The following GCN1 variants were observed in gnomAD, a reference collection of about 807,000 sequenced individuals.
GCN1 encodes stalled ribosome sensor GCN1.
Under a neutral mutation model 288.4 loss-of-function variants are expected in GCN1, and 90 were observed. The ratio of observed to expected loss-of-function variants is 0.31; its 90% CI spans 0.26 to 0.37. The LOEUF is 0.37. Among genes scored for constraint, GCN1 ranks in the 10% least tolerant of loss-of-function variants. The pLI is 1.00. For missense variants in GCN1, 2,586 were observed against 3,419.9 expected (o/e 0.76, Z 6.08); for synonymous variants, 1,386 against 1,420.2 (o/e 0.98, Z 0.54).
At chr12:120,163,636 C>T (rs1878006808) in intron 18 of GCN1, among the ~76,000 whole-genome samples, 1 of 152,090 alleles carries the variant, frequency 6.6e-6, no homozygotes, top group Non-Finnish European at 1.5e-5. Flanking sequence ...TGAGGGTCTC[C>T]CTCCGTCGGG....
chr12:120,129,602 C>G lies in GCN1; in HGVS notation c.7672-108G>C, dbSNP rs2240312. 13 of 789,828 alleles carry G rather than the reference C, an allele frequency of 1.6e-5. 1 individual carries two copies. Among genetic ancestry groups the G allele is most frequent in the African/African-American group, 1.5e-4 (9 of 59,458 alleles). 48.9% of individuals were successfully genotyped at this position (789,828 alleles called of 1,614,324 possible). Reference sequence around the variant, plus strand: ...CTCCCTACAGCATGAACACTGACCCCCCCTGCTCCTGTGGGAGGGTCCCAG... The same window carrying G: ...CTCCCTACAGCATGAACACTGACCCGCCCTGCTCCTGTGGGAGGGTCCCAG... On this transcript the variant is annotated intron_variant, in intron 56 of 57. Transcript: ENST00000300648.
chr12:120,187,898 A>C (rs1489955236), intron 2 of GCN1, among the ~76,000 whole-genome samples: 5 of 151,948 alleles, frequency 3.3e-5, no homozygotes, highest in Admixed American at 6.6e-5. Flanking sequence ...AAAAAAAAAA[A>C]AAACAAAAAA....
chr12:120,157,906 G>A lies in GCN1; in HGVS notation c.3030C>T (p.Leu1010=), dbSNP rs1388240816. The part of the protein sequence containing the change: ...EEWMAQILQI[L]TVQAQLRASP... ...AGGCCCTCAGCTGGGCTTGGACAGT[G>A]AGGATCTGAAGAATCTGGGCCATCC... is the stretch of plus-strand genomic sequence containing the variant. The change falls in exon 26 of 58, where the codon CTC becomes CTT. Residue 1010 remains leucine (L), a synonymous_variant. Coordinates refer to ENST00000300648, the MANE Select transcript of GCN1 (RefSeq NM_006836.2). The A allele has an allele frequency of 6.2e-6, 10 of 1,613,942 alleles. No individual in the cohort carries two copies. Among genetic ancestry groups the A allele is most frequent in the Admixed American group, 1.7e-5 (1 of 60,014 alleles).
rs1877305048 is a variant in GCN1, at chr12:120,144,668, C to A, written c.5323G>T (p.Val1775Leu). 7 of 1,614,114 alleles carry A rather than the reference C, an allele frequency of 4.3e-6. No individual in the cohort carries two copies. Among genetic ancestry groups the A allele is most frequent in the Non-Finnish European group, 5.9e-6 (7 of 1,179,950 alleles). The change falls in exon 41 of 58, where the codon GTG becomes TTG. Residue 1775 changes from valine (V) to leucine (L), a missense_variant. This residue lies in a region of GCN1 where 371 missense variants were observed against 572.6 expected (regional missense o/e 0.65). Coordinates refer to ENST00000300648, the MANE Select transcript of GCN1 (RefSeq NM_006836.2). The surrounding 1 kb of genome is among the most constrained non-coding windows in gnomAD (Gnocchi z 4.7). ...AGGATACAGGGGATGATGGGCCCCACATAAGGAGTAAACTTGTCTCCAAAG... is the reference window on the plus strand; with the variant it reads ...AGGATACAGGGGATGATGGGCCCCAAATAAGGAGTAAACTTGTCTCCAAAG... The part of the protein sequence containing the change: ...ITFGDKFTPY[V>L]GPIIPCILKA...
At chr12:120,145,184 T>G (rs1358206135) in intron 39 of GCN1, 78 bp downstream of exon 39, 2 of 1,554,452 alleles carry the variant, frequency 1.3e-6, no homozygotes, top group Non-Finnish European at 1.8e-6. Flanking sequence ...CAAAAGCAGC[T>G]TTGGGGAATT....
chr12:120,130,761 G>A lies in GCN1; in HGVS notation c.7564-8C>T, dbSNP rs1422887755. 4 of 1,589,884 alleles carry A rather than the reference G, an allele frequency of 2.5e-6. No homozygotes were observed. In the East Asian group the frequency reaches 8.9e-5, roughly 36 times the overall value. On this transcript the variant is annotated splice_polypyrimidine_tract_variant and splice_region_variant and intron_variant, in intron 55 of 57. Transcript: ENST00000300648. ...GCTCACCGCAATGGGGATCTGTGGA[G>A]AACAGACAGCGCTAGACGGGAGGCC...
rs757358859 is a variant in GCN1, at chr12:120,145,005, C to T, written c.5073G>A (p.Ser1691=). ...GCCACGGCAGCAAGTCCTCAAAGCA[C>T]GACTCCCCCATGCCCTTCACCATGG... ...LGAMVKGMGE[S]CFEDLLPWLM... Residue 1691 remains serine, a synonymous_variant, in exon 40 of 58, where the codon TCG becomes TCA. Coordinates refer to ENST00000300648, the MANE Select transcript of GCN1 (RefSeq NM_006836.2). 4.3e-6 allele frequency: 7 copies of T among 1,614,028 alleles called. No homozygotes were observed. Among genetic ancestry groups the T allele is most frequent in the East Asian group, 2.2e-5 (1 of 44,892 alleles).
At position 120,153,397 on chromosome 12, in the gene GCN1, T is replaced by G. The variant is rs200124782; in HGVS notation, c.3878A>C (p.Asn1293Thr). 1.2e-6 allele frequency: 2 copies of G among 1,613,814 alleles called. No homozygotes were observed. Among genetic ancestry groups the G allele is most frequent in the East Asian group, 4.5e-5 (2 of 44,868 alleles). The change falls in exon 33 of 58, where the codon AAC (asparagine) becomes ACC (threonine). Residue 1293 changes from asparagine to threonine, a missense_variant. Physicochemically the swap from Asn to Thr is moderately conservative, Grantham distance 65 (BLOSUM62 0). Around this residue, in one of 8 missense-constraint regions of GCN1, gnomAD observed 332 missense variants for 403.0 expected, o/e 0.82. Transcript: ENST00000300648. The surrounding 1 kb of genome is among the most constrained non-coding windows in gnomAD (Gnocchi z 4.4). ...CTCCTCGAATACTGGCAACAGCGAGTTGACGTTCTCCTGGAAAGCCAAACC... is the reference window on the plus strand; with the variant it reads ...CTCCTCGAATACTGGCAACAGCGAGGTGACGTTCTCCTGGAAAGCCAAACC... Reference protein sequence around the residue: ...TLNTHGKENVNSLLPVFEEFL... With the variant: ...TLNTHGKENVTSLLPVFEEFL...
Position 120,174,123 on chromosome 12 carries a change from C to A in GCN1, c.1140G>T (p.Gln380His). 1.2e-6 allele frequency: 2 copies of A among 1,610,424 alleles called. No individual in the cohort carries two copies. Among genetic ancestry groups the A allele is most frequent in the Non-Finnish European group, 1.7e-6 (2 of 1,176,566 alleles). ...GCTCAGCCACGATCCCATTCAGGAC[C>A]TGACTGGAAGGTCCAGACACCACGT... ...SHHVVSGPSS[Q>H]VLNGIVAELF... The change falls in exon 13 of 58, where the codon CAG (glutamine) becomes CAT (histidine). Residue 380 changes from glutamine (Q) to histidine (H), a missense_variant. Transcript: ENST00000300648.
intron 23 of GCN1, 25 bp downstream of exon 23, chr12:120,160,117 G>A (rs1566309026): frequency 6.3e-7 from 1 of 1,594,936 alleles, no homozygotes; most frequent in Admixed American, 1.7e-5. Flanking sequence ...TCCGGCTTGA[G>A]CATGTGGCGG....
At position 120,144,670 on chromosome 12, in the gene GCN1, T is replaced by A. The variant is rs758816691; in HGVS notation, c.5321A>T (p.Tyr1774Phe). The change falls in exon 41 of 58, where the codon TAT (tyrosine) becomes TTT (phenylalanine). Residue 1774 changes from tyrosine to phenylalanine, a missense_variant. Physicochemically the swap from Tyr to Phe is conservative, Grantham distance 22. Around this residue, in one of 8 missense-constraint regions of GCN1, gnomAD observed 371 missense variants for 572.6 expected, o/e 0.65. Coordinates refer to ENST00000300648, the MANE Select transcript of GCN1 (RefSeq NM_006836.2). This position sits in a 1 kb window ranked among gnomAD's most constrained non-coding sequence, Gnocchi z 4.7. ...PITFGDKFTP[Y>F]VGPIIPCILK... The stretch of plus-strand genomic sequence containing the variant: ...GATACAGGGGATGATGGGCCCCACA[T>A]AAGGAGTAAACTTGTCTCCAAAGGT... 6 of 1,613,966 alleles carry A rather than the reference T, an allele frequency of 3.7e-6. No individual in the cohort carries two copies. The South Asian group carries it at 6.6e-5, about 18-fold the overall frequency.
intron 51 of GCN1, among the ~76,000 whole-genome samples, chr12:120,135,231 T>C (rs768927630): frequency 1.3e-5 from 2 of 152,212 alleles, no homozygotes; most frequent in Non-Finnish European, 2.9e-5. Context: ...CAAATGACCT[T>C]GGAGAATCCT....
chr12:120,179,456 G>A (rs1376884427), intron 5 of GCN1, among the ~76,000 whole-genome samples: 1 of 148,652 alleles, frequency 6.7e-6, no homozygotes, highest in Non-Finnish European at 1.5e-5. Context: ...CTGGAGTGCA[G>A]TGGTGCGATC....
chr12:120,193,147 A>C (rs1879060709), intron 1 of GCN1, among the ~76,000 whole-genome samples: 1 of 152,092 alleles, frequency 6.6e-6, no homozygotes, highest in African/African-American at 2.4e-5. Flanking sequence ...GAGGTCAGGA[A>C]TTCGAGACCA....
intron 2 of GCN1, among the ~76,000 whole-genome samples, chr12:120,188,250 A>T (rs1181538148): frequency 2.0e-5 from 3 of 152,064 alleles, no homozygotes; most frequent in Non-Finnish European, 4.4e-5. Context: ...ACTGGCCAAC[A>T]TGGTGAAACC....
rs140583998 is a variant in GCN1, at chr12:120,148,711, G to A, written c.4547-365C>T. Among the ~76,000 whole-genome samples the A allele has an allele frequency of 1.9e-3, 288 of 152,366 alleles. 1 individual carries two copies. The highest frequency in any genetic ancestry group is 6.4e-3 in the African/African-American group (265 of 41,584). ...TTTGTGTTGTTTCAAACTACAGGGT[G>A]AAGCCTGAAGGACTGAGAAGGAGGT... is the stretch of plus-strand genomic sequence containing the variant. On this transcript the variant is annotated intron_variant, in intron 36 of 57. Transcript: ENST00000300648.
chr12:120,175,126 C>CAAAAA lies in GCN1; in HGVS notation c.1093+31_1093+35dup, dbSNP rs58560211. 1.0e-4 allele frequency: 111 copies of CAAAAA among 1,064,928 alleles called. 1 individual carries two copies. Among genetic ancestry groups the CAAAAA allele is most frequent in the South Asian group, 1.9e-4 (13 of 70,112 alleles). 66.0% of individuals were successfully genotyped at this position (1,064,928 alleles called of 1,614,324 possible). On this transcript the variant is annotated intron_variant, in intron 12 of 57. Transcript: ENST00000300648. ...TAGATGACACAGCAAGACTTTCTCT[C>CAAAAA]AAAAAAAAAAAAAAAAAAAAAAAGA...
intron 42 of GCN1, 120 bp from the exon 43 acceptor site, chr12:120,143,061 T>G: frequency 1.6e-6 from 1 of 625,108 alleles, no homozygotes; most frequent in South Asian, 2.1e-5. Context: ...CATCTTGGAA[T>G]GGGAAGAGTC....
intron 14 of GCN1, among the ~76,000 whole-genome samples, chr12:120,171,137 T>C (rs1185321773): frequency 2.6e-5 from 3 of 115,824 alleles, no homozygotes; most frequent in African/African-American, 1.1e-4. Flanking sequence ...CGAGACCCCA[T>C]CTCCAAAAAA....
Sources: allele counts gnomAD v4.1 joint callset (sites outside exome capture counted in the v4.1 genomes callset), GRCh38; gene constraint gnomAD v4.1.1; regional missense constraint gnomAD v4.1.1; non-coding constraint Gnocchi (gnomAD v3.1); transcripts MANE v1.5; gene names NCBI Gene and HGNC (gene_info 2026-07-23, HGNC 2026-07-21).